Variants in LEF1 observed in about 807,000 individuals in gnomAD.
LEF1 encodes lymphoid enhancer-binding factor 1.
In LEF1, 14 loss-of-function variants were observed where a neutral mutation model predicts 51.2. That is an observed-to-expected ratio of 0.27 (90% CI 0.18 to 0.43). The LOEUF is 0.43. Ranked by LOEUF, LEF1 falls within the 20% of genes least tolerant of loss-of-function variation. LEF1 has a pLI of 1.00. For synonymous variants in LEF1, 185 were observed against 183.2 expected, an observed-to-expected ratio of 1.01 and a Z score of -0.08; for missense variants, 386 against 512.0, an observed-to-expected ratio of 0.75 and a Z score of 2.37.
intron 8 of LEF1, among the ~76,000 whole-genome samples, chr4:108,076,550 G>A (rs1024231830): frequency 6.6e-6 from 1 of 151,994 alleles, no homozygotes; most frequent in Non-Finnish European, 1.5e-5. Flanking sequence ...GCTAATTTTT[G>A]TATTTTTGGT....
At position 108,063,573 on chromosome 4, in the gene LEF1, T is replaced by A. The variant is rs1383722474; in HGVS notation, c.*6+50A>T. The A allele has an allele frequency of 2.1e-6, 3 of 1,438,332 alleles. No individual in the cohort carries two copies. The East Asian group carries it at 7.0e-5, about 34-fold the overall frequency. The allele number at this position is 1,438,332 out of a possible 1,614,324, so 89.1% of individuals were successfully genotyped here. On this transcript the variant is annotated intron_variant, in intron 11 of 11. Transcript: ENST00000265165. ...GCAAGAAGATTCACAAGCAAGTGCC[T>A]CTTTTTATAACAACTAACGTCAGCA...
At chr4:108,088,440 G>C (rs949288563) in intron 4 of LEF1, among the ~76,000 whole-genome samples, 14 of 152,256 alleles carry the variant, frequency 9.2e-5, no homozygotes, top group South Asian at 2.1e-4. Context: ...TGCGCCCTGA[G>C]TGATGGGACC....
chr4:108,103,535 T>C (rs1181721250), intron 3 of LEF1, among the ~76,000 whole-genome samples: 3 of 152,342 alleles, frequency 2.0e-5, no homozygotes, highest in Admixed American at 1.3e-4. Flanking sequence ...TCAAGATATC[T>C]TCTCTACCTT....
At chr4:108,143,414 G>A (rs1161324404) in intron 3 of LEF1, among the ~76,000 whole-genome samples, 1 of 152,196 alleles carries the variant, frequency 6.6e-6, no homozygotes, top group African/African-American at 2.4e-5. Flanking sequence ...TTCGGAAAAT[G>A]CCGGAAATAA....
At chr4:108,140,225 T>C (rs1743554587) in intron 3 of LEF1, among the ~76,000 whole-genome samples, 1 of 152,096 alleles carries the variant, frequency 6.6e-6, no homozygotes, top group Non-Finnish European at 1.5e-5. Context: ...AAAAGCAACT[T>C]CATTGAAGCC....
intron 3 of LEF1, among the ~76,000 whole-genome samples, chr4:108,114,711 A>C (rs1400923848): frequency 6.6e-6 from 1 of 152,178 alleles, no homozygotes; most frequent in Non-Finnish European, 1.5e-5. Flanking sequence ...CAAGGAAAAC[A>C]CCTTGCCTTC....
chr4:108,165,766 TAG>T (rs1003153154), intron 1 of LEF1, among the ~76,000 whole-genome samples: 3 of 152,152 alleles, frequency 2.0e-5, no homozygotes, highest in Admixed American at 1.3e-4. Context: ...GGAGGAAAAT[TAG>T]AGAGTCAGGT....
intron 10 of LEF1, 66 bp from the exon 11 acceptor site, chr4:108,063,729 T>C: frequency 9.9e-7 from 1 of 1,011,690 alleles, no homozygotes; most frequent in East Asian, 2.4e-5. Context: ...AAATACGTAG[T>C]AGCTACAATA....
intron 11 of LEF1, among the ~76,000 whole-genome samples, chr4:108,058,396 T>G (rs1427915411): frequency 1.3e-5 from 2 of 152,194 alleles, no homozygotes; most frequent in Admixed American, 6.5e-5. Context: ...CTTCAAACAT[T>G]ATAATTCTTT....
chr4:108,167,122 G>A lies in LEF1; in HGVS notation c.213+433C>T, dbSNP rs1000472765. Among the ~76,000 whole-genome samples the A allele has an allele frequency of 1.6e-4, 25 of 152,194 alleles. No individual in the cohort carries two copies. The highest frequency in any genetic ancestry group is 2.6e-4 in the Non-Finnish European group (18 of 68,034). On this transcript the variant is annotated intron_variant, in intron 1 of 11. Transcript: ENST00000265165. This position sits in a 1 kb window ranked among gnomAD's most constrained non-coding sequence, Gnocchi z 5.7. The stretch of plus-strand genomic sequence containing the variant: ...TTTGGTGGTTTAACGCACTTTTGCA[G>A]AGACATCTACCAAGAGATAGCGTGT...
intron 11 of LEF1, 30 bp downstream of exon 11, chr4:108,063,593 T>C: frequency 6.4e-7 from 1 of 1,566,788 alleles, no homozygotes; most frequent in East Asian, 2.3e-5. Context: ...ACAACTAACG[T>C]CAGCAGTAGG....
intron 3 of LEF1, among the ~76,000 whole-genome samples, chr4:108,130,588 G>A (rs1742811250): frequency 6.6e-6 from 1 of 151,486 alleles, no homozygotes; most frequent in Admixed American, 6.6e-5. Context: ...AAAATGGCAA[G>A]GTGTGGTGGT....
At chr4:108,092,090 A>G (rs1740062537) in intron 3 of LEF1, among the ~76,000 whole-genome samples, 2 of 152,158 alleles carry the variant, frequency 1.3e-5, no homozygotes, top group African/African-American at 4.8e-5. Context: ...CTCCAGTCAT[A>G]TAGCTCAGAA....
At chr4:108,135,591 C>T (rs1743211338) in intron 3 of LEF1, among the ~76,000 whole-genome samples, 1 of 152,152 alleles carries the variant, frequency 6.6e-6, no homozygotes, top group Non-Finnish European at 1.5e-5. Flanking sequence ...AGGTACAGTG[C>T]TGTGTCTGCT....
intron 3 of LEF1, 91 bp from the exon 4 acceptor site, chr4:108,089,348 C>T (rs1444188744): frequency 3.0e-6 from 4 of 1,329,234 alleles, no homozygotes; most frequent in Non-Finnish European, 3.1e-6. Context: ...CAGCAGTAAC[C>T]AGTCATCAAC....
intron 3 of LEF1, among the ~76,000 whole-genome samples, chr4:108,138,690 G>A (rs1743454380): frequency 6.6e-6 from 1 of 152,234 alleles, no homozygotes; most frequent in African/African-American, 2.4e-5. Flanking sequence ...GGAGATTATG[G>A]GGGCTAGCCC....
At chr4:108,071,618 C>T (rs1160635501) in intron 8 of LEF1, 2 of 152,176 alleles carry the variant, frequency 1.3e-5, no homozygotes, top group African/African-American at 2.4e-5. Context: ...AAGGGGTTTA[C>T]ATTTGCACAC....
At chr4:108,085,104 T>C (rs1739560618) in intron 4 of LEF1, among the ~76,000 whole-genome samples, 1 of 152,232 alleles carries the variant, frequency 6.6e-6, no homozygotes, top group Non-Finnish European at 1.5e-5. Flanking sequence ...TTTTGTTTTA[T>C]TTTTGAGACA....
At chr4:108,062,762 G>GT (rs371445969) in intron 11 of LEF1, among the ~76,000 whole-genome samples, 62 of 152,280 alleles carry the variant, frequency 4.1e-4, no homozygotes, top group African/African-American at 1.4e-3. Flanking sequence ...TATGGCAGTG[G>GT]TAAGTGTGAG....
Sources: allele counts gnomAD v4.1 joint callset (sites outside exome capture counted in the v4.1 genomes callset), GRCh38; gene constraint gnomAD v4.1.1; non-coding constraint Gnocchi (gnomAD v3.1); transcripts MANE v1.5; gene names NCBI Gene and HGNC (gene_info 2026-07-23, HGNC 2026-07-21).